GLI3: variants seen among roughly 807,000 people sequenced by gnomAD.
The protein encoded by GLI3 is transcription activator GLI3.
GLI3 carries 20 observed loss-of-function variants against 100.8 expected under a neutral mutation model. That is an observed-to-expected ratio of 0.20 (90% CI 0.14 to 0.29). GLI3 has a LOEUF of 0.29. Ranked by LOEUF, GLI3 falls within the 10% of genes least tolerant of loss-of-function variation. GLI3 has a pLI of 1.00. For synonymous variants in GLI3, 938 were observed against 860.5 expected (o/e 1.09, Z -1.58); for missense variants, 2,040 against 2,128.5 (o/e 0.96, Z 0.82).
intron 2 of GLI3, among the ~76,000 whole-genome samples, chr7:42,195,869 T>C (rs1036190231): frequency 2.6e-5 from 4 of 152,252 alleles, no homozygotes; most frequent in South Asian, 4.1e-4. Flanking sequence ...TCTGGCAGGA[T>C]AGAAGGGCCA....
At chr7:42,049,665 T>A (rs1784314131) in intron 4 of GLI3, among the ~76,000 whole-genome samples, 1 of 152,234 alleles carries the variant, frequency 6.6e-6, no homozygotes, top group Admixed American at 6.5e-5. Context: ...TCACACCTGC[T>A]GCCCCATAGC....
At chr7:42,009,605 G>A (rs1788557069) in intron 10 of GLI3, among the ~76,000 whole-genome samples, 1 of 150,748 alleles carries the variant, frequency 6.6e-6, no homozygotes, top group South Asian at 2.1e-4. Flanking sequence ...ACCAATCAAC[G>A]ATCTTACTCT....
In GLI3 at chr7:42,059,733, C is replaced by T. The variant is rs1784531195; in HGVS notation, c.474-11037G>A. 2.0e-5 allele frequency among the ~76,000 whole-genome samples: 3 copies of T among 152,200 alleles called. No homozygotes were observed. The South Asian group carries it at 6.2e-4, about 31-fold the overall frequency. ...GTGACATCTGATGGGGCTCTGTTTT[C>T]TAGACAGTTTCCTAACTGATCTGCA... On this transcript the variant is annotated intron_variant, in intron 4 of 14. Transcript: ENST00000395925.
At chr7:42,234,008 A>G (rs1788742483) in intron 1 of GLI3, among the ~76,000 whole-genome samples, 1 of 152,232 alleles carries the variant, frequency 6.6e-6, no homozygotes, top group Non-Finnish European at 1.5e-5. Context: ...TATGAATGCC[A>G]GCAAAACTAA....
In GLI3 at chr7:42,257,266, T is replaced by TTTC. The variant is rs568057306; in HGVS notation, c.-43+6725_-43+6727dup. Among the ~76,000 whole-genome samples, 17 of 152,254 alleles carry TTTC rather than the reference T, an allele frequency of 1.1e-4. No individual in the cohort carries two copies. In the East Asian group the frequency reaches 3.1e-3, roughly 28 times the overall value. On this transcript the variant is annotated intron_variant, in intron 1 of 2. Transcript: ENST00000678978. ...TTTTTTTTCTTTTTCTTTCTTTTTT[T>TTTC]TTCTTCCCTATTGCACTGGCTCTCT...
chr7:42,057,733 G>A (rs767774433), intron 4 of GLI3, among the ~76,000 whole-genome samples: 5 of 152,084 alleles, frequency 3.3e-5, no homozygotes, highest in African/African-American at 7.2e-5. Context: ...GAAACTACTC[G>A]GATGGAGCTA....
chr7:42,236,752 G>C (rs1327230008), intron 1 of GLI3, among the ~76,000 whole-genome samples: 1 of 152,228 alleles, frequency 6.6e-6, no homozygotes, highest in African/African-American at 2.4e-5. Context: ...CGGTCCGCGG[G>C]TCGGACTCTT....
chr7:42,108,720 C>G (rs1253933708), intron 3 of GLI3, among the ~76,000 whole-genome samples: 1 of 151,968 alleles, frequency 6.6e-6, no homozygotes, highest in African/African-American at 2.4e-5. Context: ...TCCACAATTA[C>G]AGAGGGAAAA....
At chr7:42,191,646 G>A (rs1223744758) in intron 2 of GLI3, among the ~76,000 whole-genome samples, 5 of 146,016 alleles carry the variant, frequency 3.4e-5, no homozygotes, top group Non-Finnish European at 7.5e-5. Context: ...GCGAAACTCC[G>A]TTTCAAAAAA....
intron 3 of GLI3, among the ~76,000 whole-genome samples, chr7:42,079,993 C>A (rs921176248): frequency 6.6e-6 from 1 of 152,050 alleles, no homozygotes; most frequent in Non-Finnish European, 1.5e-5. Context: ...CCAGTTAATC[C>A]CATAAAATCA....
At chr7:42,209,631 G>A (rs1173736723) in intron 2 of GLI3, among the ~76,000 whole-genome samples, 1 of 152,142 alleles carries the variant, frequency 6.6e-6, no homozygotes, top group East Asian at 1.9e-4. Flanking sequence ...TCAAGGGAGA[G>A]AGAGCTCTTT....
intron 2 of GLI3, among the ~76,000 whole-genome samples, chr7:42,212,136 C>T (rs115596115): frequency 7.9e-5 from 12 of 152,174 alleles, no homozygotes; most frequent in African/African-American, 2.2e-4. Context: ...TTTCCAGTTG[C>T]GTCTTTCCCA....
chr7:42,085,496 G>T (rs749983991), intron 3 of GLI3, among the ~76,000 whole-genome samples: 1 of 152,108 alleles, frequency 6.6e-6, no homozygotes, highest in African/African-American at 2.4e-5. Context: ...TTCTTCTTAA[G>T]TTCTATTATC....
chr7:41,985,625 G>C (rs760090653), intron 10 of GLI3, among the ~76,000 whole-genome samples: 10 of 152,012 alleles, frequency 6.6e-5, no homozygotes, highest in Non-Finnish European at 1.5e-4. Flanking sequence ...GAAATGTTTT[G>C]CCTAAAAAAA....
chr7:42,239,174 A>T (rs1466356207), upstream of GLI3, among the ~76,000 whole-genome samples: 7 of 152,180 alleles, frequency 4.6e-5, no homozygotes, highest in Non-Finnish European at 5.9e-5. Flanking sequence ...CTCAGGAAAA[A>T]ACAAAACACC....
chr7:42,254,780 G>C (rs1789068382), intron 1 of GLI3, among the ~76,000 whole-genome samples: 1 of 149,240 alleles, frequency 6.7e-6, no homozygotes, highest in African/African-American at 2.5e-5. Flanking sequence ...TCTGTTCTCT[G>C]TGTTTCTCTC....
chr7:42,120,414 G>A (rs1016753892), intron 3 of GLI3, among the ~76,000 whole-genome samples: 2 of 152,174 alleles, frequency 1.3e-5, no homozygotes, highest in African/African-American at 4.8e-5. Flanking sequence ...CAAAGCCCTG[G>A]TTCCACAGCA....
At chr7:42,104,843 A>C (rs1785541043) in intron 3 of GLI3, among the ~76,000 whole-genome samples, 1 of 152,322 alleles carries the variant, frequency 6.6e-6, no homozygotes, top group East Asian at 1.9e-4. Flanking sequence ...AGTGAGAAGA[A>C]GGCCATCTAT....
At chr7:42,059,459 T>C (rs965148954) in intron 4 of GLI3, among the ~76,000 whole-genome samples, 12 of 149,730 alleles carry the variant, frequency 8.0e-5, no homozygotes, top group African/African-American at 2.9e-4. Flanking sequence ...TAAATGAATA[T>C]AATATTCATT....
Sources: gnomAD v4.1 joint callset for allele counts (sites outside exome capture counted in the v4.1 genomes callset) on GRCh38, gnomAD v4.1.1 for gene constraint, MANE v1.5 for transcripts, NCBI Gene and HGNC (gene_info 2026-07-23, HGNC 2026-07-21) for gene names.